ASRGL1: variants seen among roughly 807,000 people sequenced by gnomAD.
ASRGL1 encodes isoaspartyl peptidase/L-asparaginase.
In ASRGL1, 16 loss-of-function variants were observed where a neutral mutation model predicts 22.4. The observed-to-expected ratio is 0.71, with a 90% CI of 0.48 to 1.08. The LOEUF is 1.08. Ranked by LOEUF, ASRGL1 falls within the 50% of genes least tolerant of loss-of-function variation. The pLI, the probability that ASRGL1 is intolerant of heterozygous loss-of-function variation, is 0.00. For synonymous variants in ASRGL1, 165 were observed against 159.3 expected, an observed-to-expected ratio of 1.04 and a Z score of -0.27; for missense variants, 412 against 410.1, an observed-to-expected ratio of 1.00 and a Z score of -0.04.
downstream of ASRGL1, among the ~76,000 whole-genome samples, chr11:62,394,058 T>C (rs937895038): frequency 7.0e-6 from 1 of 143,724 alleles, no homozygotes; most frequent in African/African-American, 2.5e-5. Flanking sequence ...ATATATCTAA[T>C]ATGGTATATT....
At chr11:62,385,335 A>T (rs11231069) in intron 4 of ASRGL1, among the ~76,000 whole-genome samples, 42,537 of 138,238 alleles carry the variant, frequency 0.31, 5,985 homozygotes, top group South Asian at 0.4. Flanking sequence ...TTTCTTTTAC[A>T]TTTTTAACGT....
At chr11:62,361,777 T>C (rs760946834) in intron 4 of ASRGL1, among the ~76,000 whole-genome samples, 1 of 152,040 alleles carries the variant, frequency 6.6e-6, no homozygotes, top group Non-Finnish European at 1.5e-5. Context: ...TGAGCCACTG[T>C]GCCCAGCCCA....
At chr11:62,364,158 C>CAAAA (rs71053048) in intron 4 of ASRGL1, among the ~76,000 whole-genome samples, 96 of 93,402 alleles carry the variant, frequency 1.0e-3, no homozygotes, top group African/African-American at 3.9e-3. Context: ...GAGTCCGTCT[C>CAAAA]AAAAAAAAAA....
rs1363759375 is a variant in ASRGL1 at position 62,375,470 on chromosome 11, ATATATATATATT to A, written c.492-13661_492-13650del. Among the ~76,000 whole-genome samples, 312 of 85,934 alleles carry A rather than the reference ATATATATATATT, an allele frequency of 3.6e-3. 12 individuals carry two copies. Among genetic ancestry groups the A allele is most frequent in the East Asian group, 0.019 (45 of 2,382 alleles). 56.4% of individuals were successfully genotyped at this position (85,934 alleles called of 152,430 possible). A position where few individuals can be genotyped will look rare whatever the true frequency, so the allele number is the denominator to read the frequency against. On this transcript the variant is annotated intron_variant, in intron 4 of 6. Coordinates refer to ENST00000415229, the MANE Select transcript of ASRGL1 (RefSeq NM_001083926.2). ...TATATATATATATATATATATATAT[ATATATATATATT>A]TCTTGGAGTAAACATTTTAAATAAA... is the stretch of plus-strand genomic sequence containing the variant.
At chr11:62,347,920 C>T (rs1312118838) in intron 2 of ASRGL1, among the ~76,000 whole-genome samples, 1 of 152,106 alleles carries the variant, frequency 6.6e-6, no homozygotes. Context: ...GAATGAGGCT[C>T]CATCTAAAAA....
At chr11:62,386,282 GT>G (rs1201233685) in intron 4 of ASRGL1, among the ~76,000 whole-genome samples, 1 of 152,120 alleles carries the variant, frequency 6.6e-6, no homozygotes. Flanking sequence ...CTTATCTGCG[GT>G]TTCACTTTCT....
chr11:62,371,752 A>G lies in ASRGL1; in HGVS notation c.491+14608A>G, dbSNP rs983293376. On this transcript the variant is annotated intron_variant, in intron 4 of 6. Coordinates refer to ENST00000415229, the MANE Select transcript of ASRGL1 (RefSeq NM_001083926.2). ...CAGATCACAAGGTCAGGAGATCCAG[A>G]CCATCCTGGCTAACACGGTGAAACC... 25 of 530,752 alleles carry G rather than the reference A, an allele frequency of 4.7e-5. No individual in the cohort carries two copies. The African/African-American group carries it at 4.8e-4, about 10-fold the overall frequency. 32.9% of individuals were successfully genotyped at this position (530,752 alleles called of 1,614,324 possible). A position where few individuals can be genotyped will look rare whatever the true frequency, so the allele number is the denominator to read the frequency against.
At chr11:62,375,979 G>A (rs930989564) in intron 4 of ASRGL1, among the ~76,000 whole-genome samples, 2 of 151,738 alleles carry the variant, frequency 1.3e-5, no homozygotes, top group East Asian at 1.9e-4. Context: ...GCACGCGCCT[G>A]TAATCCCAGC....
chr11:62,376,349 T>G (rs111914653), intron 4 of ASRGL1, among the ~76,000 whole-genome samples: 2 of 152,058 alleles, frequency 1.3e-5, no homozygotes, highest in African/African-American at 4.8e-5. Flanking sequence ...AGGCGCTTTT[T>G]TTTGCATCTC....
At chr11:62,363,068 G>A (rs1358294660) in intron 4 of ASRGL1, among the ~76,000 whole-genome samples, 1 of 149,896 alleles carries the variant, frequency 6.7e-6, no homozygotes, top group African/African-American at 2.5e-5. Flanking sequence ...CGAGTAGCTG[G>A]GACTACAGGC....
chr11:62,360,248 G>C (rs573379043), intron 4 of ASRGL1, among the ~76,000 whole-genome samples: 2 of 151,310 alleles, frequency 1.3e-5, no homozygotes, highest in Non-Finnish European at 2.9e-5. Context: ...GACTGGTCTC[G>C]AACTCCTGAC....
chr11:62,368,315 G>A (rs923858951), intron 4 of ASRGL1, among the ~76,000 whole-genome samples: 1 of 152,120 alleles, frequency 6.6e-6, no homozygotes, highest in Non-Finnish European at 1.5e-5. Context: ...GTCTTGGAGC[G>A]TATCCCCTTC....
At position 62,383,558 on chromosome 11, in the gene ASRGL1, C is replaced by G. The variant is rs1427349709; in HGVS notation, c.492-5575C>G. Among the ~76,000 whole-genome samples the G allele has an allele frequency of 4.4e-5, 6 of 137,544 alleles. No individual in the cohort carries two copies. In the East Asian group the frequency reaches 1.3e-3, roughly 29 times the overall value. 90.2% of individuals were successfully genotyped at this position (137,544 alleles called of 152,430 possible). A position where few individuals can be genotyped will look rare whatever the true frequency, so the allele number is the denominator to read the frequency against. ...GCGGAGCTTGCAGTGAGCCGAGATC[C>G]CGCCACTGCACTCCAGCCTGGGCGA... is the stretch of plus-strand genomic sequence containing the variant. On this transcript the variant is annotated intron_variant, in intron 4 of 6. Transcript: ENST00000415229.
At chr11:62,361,770 G>A (rs1382362208) in intron 4 of ASRGL1, among the ~76,000 whole-genome samples, 1 of 152,048 alleles carries the variant, frequency 6.6e-6, no homozygotes, top group Non-Finnish European at 1.5e-5. Flanking sequence ...ACAGGCGTGA[G>A]CCACTGTGCC....
intron 2 of ASRGL1, among the ~76,000 whole-genome samples, chr11:62,342,136 A>G (rs1282076471): frequency 2.6e-5 from 4 of 152,246 alleles, no homozygotes; most frequent in Non-Finnish European, 4.4e-5. Flanking sequence ...TACATTTTCT[A>G]TTTGTTTCGA....
At chr11:62,364,446 G>T (rs1357932020) in intron 4 of ASRGL1, among the ~76,000 whole-genome samples, 2 of 151,936 alleles carry the variant, frequency 1.3e-5, no homozygotes, top group African/African-American at 2.4e-5. Flanking sequence ...GGTTCCTAAA[G>T]AAATTAAAAA....
intron 4 of ASRGL1, among the ~76,000 whole-genome samples, chr11:62,386,974 C>T (rs1050849906): frequency 7.9e-5 from 12 of 151,896 alleles, no homozygotes; most frequent in African/African-American, 2.9e-4. Context: ...CTCACTGCAG[C>T]CTCCACCTCC....
intron 4 of ASRGL1, 130 bp downstream of exon 4, chr11:62,357,274 G>A (rs990800739): frequency 1.3e-4 from 112 of 880,126 alleles, no homozygotes; most frequent in Non-Finnish European, 1.8e-4. Flanking sequence ...GTTTGACACG[G>A]AGTCTCTCTC....
chr11:62,367,843 G>T (rs1474081374), intron 4 of ASRGL1, among the ~76,000 whole-genome samples: 2 of 152,010 alleles, frequency 1.3e-5, no homozygotes, highest in African/African-American at 4.8e-5. Context: ...TTGGGAGGCT[G>T]AGGCAGGAGA....
Sources: allele counts gnomAD v4.1 joint callset (sites outside exome capture counted in the v4.1 genomes callset), GRCh38; gene constraint gnomAD v4.1.1; transcripts MANE v1.5; gene names NCBI Gene and HGNC (gene_info 2026-07-23, HGNC 2026-07-21).